Variants in ATP2C1 observed in about 807,000 individuals in gnomAD.
ATP2C1 encodes the protein calcium-transporting ATPase type 2C member 1.
In ATP2C1, 31 loss-of-function variants were observed where a neutral mutation model predicts 120.5. The observed-to-expected ratio is 0.26, with a 90% CI of 0.19 to 0.35. The LOEUF (loss-of-function observed/expected upper bound fraction) is 0.35. Among genes scored for constraint, ATP2C1 ranks in the 10% least tolerant of loss-of-function variants. The pLI is 1.00. For synonymous variants in ATP2C1, 351 were observed against 358.7 expected (o/e 0.98, Z 0.24); for missense variants, 731 against 1,107.5 (o/e 0.66, Z 4.83).
intron 26 of ATP2C1, among the ~76,000 whole-genome samples, chr3:131,012,617 C>T (rs2063370473): frequency 6.6e-6 from 1 of 152,046 alleles, no homozygotes; most frequent in Admixed American, 6.6e-5. Flanking sequence ...CATTTCTTCT[C>T]AAAAATAGAT....
At chr3:130,941,742 G>A in intron 8 of ATP2C1, 43 bp downstream of exon 8, 1 of 1,403,760 alleles carries the variant, frequency 7.1e-7, no homozygotes, top group Non-Finnish European at 1.0e-6. Flanking sequence ...ATACGTGGAT[G>A]TAGATTAAAG....
intron 25 of ATP2C1, 112 bp downstream of exon 25, chr3:130,997,865 A>G: frequency 9.3e-7 from 1 of 1,080,576 alleles, no homozygotes. Context: ...GAGCTCTTTT[A>G]GTGAAAAATA....
intron 1 of ATP2C1, chr3:130,868,073 A>T: frequency 6.8e-6 from 1 of 147,382 alleles, no homozygotes; most frequent in Non-Finnish European, 1.5e-5. Context: ...CCGTCTGGGA[A>T]GTGAGGAGCG....
intron 2 of ATP2C1, among the ~76,000 whole-genome samples, chr3:130,909,944 G>A (rs1013584688): frequency 2.6e-5 from 4 of 152,068 alleles, no homozygotes; most frequent in African/African-American, 9.7e-5. Context: ...GGGTGCAAGT[G>A]ATCCTGCTGC....
chr3:131,015,244 G>A lies in ATP2C1; in HGVS notation c.2630-908G>A, dbSNP rs759608782. ...TCCATATATCCTCATTCAAAGTATT[G>A]AAGGCACTGGGGCTGCAACAGCAAA... On this transcript the variant is annotated intron_variant, in intron 26 of 26. Transcript: ENST00000328560. The A allele has an allele frequency of 4.3e-6, 3 of 701,852 alleles. No individual in the cohort carries two copies. The South Asian group carries it at 4.5e-5, about 10-fold the overall frequency. 43.5% of individuals were successfully genotyped at this position (701,852 alleles called of 1,614,324 possible). A position where few individuals can be genotyped will look rare whatever the true frequency, so the allele number is the denominator to read the frequency against.
chr3:130,963,912 A>T, intron 12 of ATP2C1, 59 bp from the exon 13 acceptor site: 1 of 1,607,942 alleles, frequency 6.2e-7, no homozygotes, highest in South Asian at 1.1e-5. Context: ...ATCCAATTTA[A>T]ATTTTGCTGT....
chr3:130,861,088 G>A (rs2107718452), intron 1 of ATP2C1, among the ~76,000 whole-genome samples: 1 of 152,292 alleles, frequency 6.6e-6, no homozygotes, highest in Non-Finnish European at 1.5e-5. Flanking sequence ...TGACAACATG[G>A]TGAAACCCTG....
In ATP2C1 at chr3:130,925,658, G is replaced by A. The variant is rs148574537; in HGVS notation, c.7-4758G>A. On this transcript the variant is annotated intron_variant, in intron 2 of 27. Coordinates refer to ENST00000510168, the MANE Select transcript of ATP2C1 (RefSeq NM_001378687.1). The stretch of plus-strand genomic sequence containing the variant: ...TTGGTCAAGTATTCAGGTTTCTCAG[G>A]CAGTGAGCAGGCCCATAGAGCTCCC... Among the ~76,000 whole-genome samples, 16 of 152,250 alleles carry A rather than the reference G, an allele frequency of 1.1e-4. No homozygotes were observed. In the East Asian group the frequency reaches 3.1e-3, roughly 29 times the overall value.
At chr3:130,851,004 C>A in intron 1 of ATP2C1, 1 of 826,776 alleles carries the variant, frequency 1.2e-6, no homozygotes, top group South Asian at 3.3e-5. Flanking sequence ...TTAGTGATTT[C>A]ATTTGTGCTG....
At position 131,000,462 on chromosome 3, in the gene ATP2C1, G is replaced by A. The variant is rs561104968; in HGVS notation, c.2630-758G>A. ...AATAAGAATTGAGATAGTGTGGATA[G>A]TATTGTAAAGACAAGTCTTCTATGC... On this transcript the variant is annotated intron_variant, in intron 27 of 27. Coordinates refer to ENST00000510168, the MANE Select transcript of ATP2C1 (RefSeq NM_001378687.1). Among the ~76,000 whole-genome samples the A allele has an allele frequency of 5.9e-5, 9 of 152,306 alleles. No individual in the cohort carries two copies. The East Asian group carries it at 1.7e-3, about 29-fold the overall frequency.
intron 2 of ATP2C1, among the ~76,000 whole-genome samples, chr3:130,924,992 A>G (rs1430509628): frequency 6.6e-6 from 1 of 151,656 alleles, no homozygotes; most frequent in Non-Finnish European, 1.5e-5. Flanking sequence ...CATGTTTTTG[A>G]TTTCTTTAAG....
chr3:130,905,045 T>C (rs912948039), intron 2 of ATP2C1, among the ~76,000 whole-genome samples: 11 of 152,000 alleles, frequency 7.2e-5, no homozygotes, highest in African/African-American at 2.7e-4. Flanking sequence ...TATCACATGA[T>C]GTTCTGGGTG....
chr3:130,962,772 G>C (rs2060882591), intron 12 of ATP2C1: 1 of 149,186 alleles, frequency 6.7e-6, no homozygotes, highest in South Asian at 2.1e-4. Context: ...TTTGAACTAG[G>C]AACATTCTCT....
At chr3:131,006,633 GTT>G (rs1289396856), downstream of ATP2C1, among the ~76,000 whole-genome samples, 20 of 61,446 alleles carry the variant, frequency 3.3e-4, no homozygotes, top group Non-Finnish European at 5.3e-4. Context: ...TCTAGTGTGT[GTT>G]TGTGTGTGTG....
chr3:130,918,402 GT>G, intron 2 of ATP2C1: 18 of 1,215,268 alleles, frequency 1.5e-5, no homozygotes, highest in Non-Finnish European at 2.0e-5. Flanking sequence ...TCCAGCTCCA[GT>G]TACCTTCTCA....
intron 8 of ATP2C1, among the ~76,000 whole-genome samples, chr3:130,950,232 CT>C (rs1363794348): frequency 6.6e-6 from 1 of 151,948 alleles, no homozygotes; most frequent in African/African-American, 2.4e-5. Context: ...TATTTATATT[CT>C]GATTTTTGAA....
At chr3:130,951,591 G>A (rs139839073) in intron 8 of ATP2C1, among the ~76,000 whole-genome samples, 3 of 152,176 alleles carry the variant, frequency 2.0e-5, no homozygotes, top group African/African-American at 7.2e-5. Context: ...TAGTTCCAAG[G>A]TTAACGTGGA....
intron 22 of ATP2C1, 40 bp downstream of exon 22, chr3:130,994,138 C>A: frequency 6.2e-7 from 1 of 1,609,890 alleles, no homozygotes; most frequent in Non-Finnish European, 8.5e-7. Context: ...GAGAATCTTC[C>A]CCTATCCTTT....
rs146165571 is a variant in ATP2C1, at chr3:130,977,186, G to A, written c.1570+1698G>A. On this transcript the variant is annotated intron_variant, in intron 18 of 27. Transcript: ENST00000510168. ...AAAGCCTGTGTCGGAAGGGGCAGTG[G>A]CAGCTCCACTGAGACAATCCTGGGA... 7.8e-3 allele frequency among the ~76,000 whole-genome samples: 1,193 copies of A among 152,282 alleles called. 15 individuals are homozygous for A. The highest frequency in any genetic ancestry group is 0.027 in the Middle Eastern group (8 of 294).
Sources: gnomAD v4.1 joint callset for allele counts (sites outside exome capture counted in the v4.1 genomes callset) on GRCh38, gnomAD v4.1.1 for gene constraint, MANE v1.5 for transcripts, NCBI Gene and HGNC (gene_info 2026-07-23, HGNC 2026-07-21) for gene names.